Variants in NLGN1 observed in about 807,000 individuals in gnomAD.
NLGN1 encodes the protein neuroligin-1.
In NLGN1, 12 loss-of-function variants were observed where a neutral mutation model predicts 65.5. The ratio of observed to expected loss-of-function variants is 0.18; its 90% confidence interval spans 0.12 to 0.30. The LOEUF (loss-of-function observed/expected upper bound fraction) is 0.30. Among genes scored for constraint, NLGN1 ranks in the 10% least tolerant of loss-of-function variants. The probability of loss-of-function intolerance (pLI) is 1.00; values close to 1 mark genes in which losing one functional copy is unlikely to be tolerated. For missense variants in NLGN1, 750 were observed against 1,007.1 expected (o/e 0.74, Z 3.46); for synonymous variants, 350 against 359.5 (o/e 0.97, Z 0.30).
At chr3:173,396,432 A>G (rs1311456258), upstream of NLGN1, 1 of 152,092 alleles carries the variant, frequency 6.6e-6, no homozygotes, top group Non-Finnish European at 1.5e-5. Flanking sequence ...GGAAACGTAT[A>G]TATGTTTATA....
chr3:173,502,138 A>G (rs2149062267), intron 2 of NLGN1, among the ~76,000 whole-genome samples: 1 of 152,200 alleles, frequency 6.6e-6, no homozygotes, highest in Non-Finnish European at 1.5e-5. Context: ...AGACCTTTCA[A>G]GTGGTGAGTA....
chr3:174,141,765 G>A (rs1021981870), intron 4 of NLGN1, among the ~76,000 whole-genome samples: 16 of 152,184 alleles, frequency 1.1e-4, no homozygotes, highest in African/African-American at 3.9e-4. Flanking sequence ...ACAATAAATA[G>A]ATCAGCATTA....
At chr3:174,125,159 G>A (rs145386654) in intron 4 of NLGN1, among the ~76,000 whole-genome samples, 138 of 152,160 alleles carry the variant, frequency 9.1e-4, no homozygotes, top group Middle Eastern at 6.8e-3. Context: ...CAATGAAAAG[G>A]CTTAAAGTTT....
At chr3:173,973,467 G>A (rs183324299) in intron 4 of NLGN1, among the ~76,000 whole-genome samples, 3 of 152,092 alleles carry the variant, frequency 2.0e-5, no homozygotes, top group African/African-American at 7.2e-5. Flanking sequence ...TGTGTGCAGG[G>A]AAATCCATGT....
At chr3:174,040,054 G>A (rs142849854) in intron 4 of NLGN1, among the ~76,000 whole-genome samples, 61 of 152,260 alleles carry the variant, frequency 4.0e-4, no homozygotes, top group African/African-American at 1.4e-3. Context: ...AGACATTACT[G>A]TGTCCTAATT....
intron 4 of NLGN1, among the ~76,000 whole-genome samples, chr3:173,835,022 C>A (rs1184533586): frequency 6.6e-6 from 1 of 152,168 alleles, no homozygotes; most frequent in African/African-American, 2.4e-5. Context: ...GCAATGAATT[C>A]TTACCCAAAT....
intron 4 of NLGN1, among the ~76,000 whole-genome samples, chr3:174,019,158 T>G (rs1207312168): frequency 6.6e-6 from 1 of 152,210 alleles, no homozygotes; most frequent in Non-Finnish European, 1.5e-5. Flanking sequence ...ATTGATATAC[T>G]ACATAAGTGG....
At chr3:174,088,781 T>TA (rs1000812002) in intron 4 of NLGN1, among the ~76,000 whole-genome samples, 1 of 149,104 alleles carries the variant, frequency 6.7e-6, no homozygotes, top group African/African-American at 2.5e-5. Flanking sequence ...AATAAATAAA[T>TA]AAATAAATAA....
At chr3:174,284,430 ATG>A (rs1751897696) in exon 7 of NLGN1, 1 of 151,484 alleles carries the variant, frequency 6.6e-6, no homozygotes, top group African/African-American at 2.4e-5. Context: ...TTGAAAAACA[ATG>A]TAAGTAACAA....
intron 4 of NLGN1, among the ~76,000 whole-genome samples, chr3:174,252,769 C>T (rs900788416): frequency 1.3e-5 from 2 of 152,136 alleles, no homozygotes; most frequent in African/African-American, 4.8e-5. Context: ...GATTCCACCC[C>T]AGAGATTCTA....
At chr3:173,456,554 A>G (rs1577580656) in intron 2 of NLGN1, among the ~76,000 whole-genome samples, 1 of 152,198 alleles carries the variant, frequency 6.6e-6, no homozygotes, top group African/African-American at 2.4e-5. Context: ...GAAACATTCA[A>G]TGATTGTAGC....
intron 4 of NLGN1, among the ~76,000 whole-genome samples, chr3:173,955,233 C>G (rs1711702706): frequency 6.6e-6 from 1 of 152,048 alleles, no homozygotes; most frequent in Non-Finnish European, 1.5e-5. Context: ...ATAGGCCGTG[C>G]AAAAATAAGT....
At chr3:173,930,001 G>C (rs1214733630) in intron 4 of NLGN1, among the ~76,000 whole-genome samples, 1 of 152,158 alleles carries the variant, frequency 6.6e-6, no homozygotes, top group East Asian at 1.9e-4. Context: ...ACCACGCCTG[G>C]CCAAGCTTCT....
At chr3:173,573,603 A>G (rs992819067) in intron 2 of NLGN1, among the ~76,000 whole-genome samples, 2 of 150,422 alleles carry the variant, frequency 1.3e-5, no homozygotes, top group African/African-American at 4.9e-5. Flanking sequence ...AGGAAAATGG[A>G]TAATGAGTAT....
intron 4 of NLGN1, among the ~76,000 whole-genome samples, chr3:174,147,456 A>G (rs1218607254): frequency 1.3e-4 from 8 of 60,588 alleles, no homozygotes; most frequent in Admixed American, 6.2e-4. Context: ...TTTTTGAGAC[A>G]GAGTTTTGCT....
intron 4 of NLGN1, among the ~76,000 whole-genome samples, chr3:174,273,996 A>AGAT (rs1479285085): frequency 4.0e-5 from 6 of 151,754 alleles, no homozygotes; most frequent in East Asian, 1.9e-4. Flanking sequence ...TTTTATAAAG[A>AGAT]GATATATTTC....
chr3:174,201,319 A>T (rs1577334992), intron 4 of NLGN1, among the ~76,000 whole-genome samples: 1 of 87,240 alleles, frequency 1.1e-5, no homozygotes, highest in Non-Finnish European at 2.1e-5. Context: ...GAAGGGAGGG[A>T]GGCGGGAGGA....
intron 4 of NLGN1, among the ~76,000 whole-genome samples, chr3:173,821,971 T>G (rs4243403): frequency 0.85 from 129,341 of 152,048 alleles, 55,887 homozygotes; most frequent in African/African-American, 0.94. Flanking sequence ...AGGCAAATAA[T>G]TCTCAAAATA....
intron 4 of NLGN1, among the ~76,000 whole-genome samples, chr3:174,075,507 G>A (rs1740719037): frequency 6.6e-6 from 1 of 151,982 alleles, no homozygotes; most frequent in African/African-American, 2.4e-5. Flanking sequence ...AAAAGGAATC[G>A]GAATTTCCTC....
Sources: gnomAD v4.1 joint callset for allele counts (sites outside exome capture counted in the v4.1 genomes callset) on GRCh38, gnomAD v4.1.1 for gene constraint, MANE v1.5 for transcripts, NCBI Gene and HGNC (gene_info 2026-07-23, HGNC 2026-07-21) for gene names.